Variants in ADAMTS3 observed in about 807,000 individuals in gnomAD.
ADAMTS3 encodes the protein A disintegrin and metalloproteinase with thrombospondin motifs 3.
A neutral mutation model predicts 129.0 loss-of-function variants in ADAMTS3; 73 were observed. That is an observed-to-expected ratio of 0.57 (90% CI 0.47 to 0.69). ADAMTS3 has a LOEUF of 0.69. Among genes scored for constraint, ADAMTS3 ranks in the 30% least tolerant of loss-of-function variants. ADAMTS3 has a pLI of 0.00. For missense variants in ADAMTS3, 1,457 were observed against 1,514.5 expected (o/e 0.96, Z 0.63); for synonymous variants, 477 against 510.8 (o/e 0.93, Z 0.89).
chr4:72,291,864 C>A (rs1009832377), intron 19 of ADAMTS3, among the ~76,000 whole-genome samples: 3 of 152,184 alleles, frequency 2.0e-5, no homozygotes, highest in Admixed American at 6.5e-5. Flanking sequence ...TACAGTCCCA[C>A]CAACGGTGTA....
chr4:72,395,203 G>A (rs1721696789), intron 4 of ADAMTS3, among the ~76,000 whole-genome samples: 1 of 152,152 alleles, frequency 6.6e-6, no homozygotes, highest in Non-Finnish European at 1.5e-5. Context: ...GAGATTACAG[G>A]TGGGAGCCCA....
At chr4:72,512,648 A>G (rs116085543) in intron 3 of ADAMTS3, among the ~76,000 whole-genome samples, 2,369 of 152,318 alleles carry the variant, frequency 0.016, 64 homozygotes, top group African/African-American at 0.054. Flanking sequence ...GAAGGGATGG[A>G]GAACCCATTT....
At chr4:72,356,738 A>G (rs887630514) in intron 4 of ADAMTS3, among the ~76,000 whole-genome samples, 1 of 151,812 alleles carries the variant, frequency 6.6e-6, no homozygotes, top group Admixed American at 6.6e-5. Flanking sequence ...TGCATTTTTT[A>G]TATTAGCATC....
chr4:72,549,990 AAGAGGAAGAGG>A lies in ADAMTS3; in HGVS notation c.98-1117_98-1107del, dbSNP rs1560563875. 3.2e-3 allele frequency among the ~76,000 whole-genome samples: 37 copies of A among 11,404 alleles called. 7 individuals are homozygous for A. Among genetic ancestry groups the A allele is most frequent in the African/African-American group, 9.6e-3 (19 of 1,986 alleles). 7.5% of individuals were successfully genotyped at this position (11,404 alleles called of 152,430 possible). The stretch of plus-strand genomic sequence containing the variant: ...GAAGAAGAAGAAGAAGAAGAAGAAG[AAGAGGAAGAGG>A]AAGAAGAAGAAGAAGAAGAAGAAGA... On this transcript the variant is annotated intron_variant, in intron 2 of 21. Transcript: ENST00000286657.
intron 4 of ADAMTS3, among the ~76,000 whole-genome samples, chr4:72,370,564 A>G (rs947526280): frequency 1.3e-5 from 2 of 152,096 alleles, no homozygotes; most frequent in Admixed American, 6.5e-5. Flanking sequence ...CTGGGCCAAC[A>G]TGGCGAAATC....
intron 3 of ADAMTS3, among the ~76,000 whole-genome samples, chr4:72,509,820 C>T (rs983162321): frequency 6.8e-6 from 1 of 146,598 alleles, no homozygotes. Context: ...AAAAAAAAAA[C>T]TACAGGTGAG....
At chr4:72,340,115 T>C (rs962906087) in intron 4 of ADAMTS3, among the ~76,000 whole-genome samples, 58 of 152,162 alleles carry the variant, frequency 3.8e-4, no homozygotes, top group African/African-American at 1.4e-3. Context: ...CCATGGAGTA[T>C]AGAATTTGTG....
intron 4 of ADAMTS3, among the ~76,000 whole-genome samples, chr4:72,402,807 C>T (rs1721958393): frequency 6.6e-6 from 1 of 152,110 alleles, no homozygotes; most frequent in African/African-American, 2.4e-5. Flanking sequence ...GACTGTCTTC[C>T]TTTGGCTATA....
At chr4:72,542,636 T>C (rs985718853) in intron 3 of ADAMTS3, among the ~76,000 whole-genome samples, 4 of 152,218 alleles carry the variant, frequency 2.6e-5, no homozygotes, top group Non-Finnish European at 5.9e-5. Context: ...TGACTACATG[T>C]ATAAATAAAT....
At chr4:72,345,513 T>C (rs1720257199) in intron 4 of ADAMTS3, among the ~76,000 whole-genome samples, 1 of 152,130 alleles carries the variant, frequency 6.6e-6, no homozygotes, top group Non-Finnish European at 1.5e-5. Context: ...ATATAAAATG[T>C]TTCCGTGAAA....
chr4:72,435,459 A>G (rs2109953115), intron 3 of ADAMTS3, among the ~76,000 whole-genome samples: 1 of 151,992 alleles, frequency 6.6e-6, no homozygotes, highest in South Asian at 2.1e-4. Context: ...CTGAACATGT[A>G]TTTTTTTAAA....
chr4:72,333,333 G>A (rs925570197), intron 5 of ADAMTS3, among the ~76,000 whole-genome samples: 1 of 151,686 alleles, frequency 6.6e-6, no homozygotes, highest in Non-Finnish European at 1.5e-5. Context: ...TACATAAATG[G>A]TACCATTAAC....
intron 4 of ADAMTS3, among the ~76,000 whole-genome samples, chr4:72,343,166 C>G (rs1223233159): frequency 6.6e-6 from 1 of 152,068 alleles, no homozygotes; most frequent in African/African-American, 2.4e-5. Context: ...CCATCCCACC[C>G]TAATCTTATT....
At chr4:72,453,925 C>A (rs1401455163) in intron 3 of ADAMTS3, among the ~76,000 whole-genome samples, 1 of 149,244 alleles carries the variant, frequency 6.7e-6, no homozygotes, top group Non-Finnish European at 1.5e-5. Flanking sequence ...TATATGTATA[C>A]ATAGGGAGAA....
Position 72,283,119 on chromosome 4 carries a change from C to G in ADAMTS3, c.*17G>C, listed in dbSNP as rs776252939. ...TCCAGGTTTTCCTCTGGTTTCTAGC[C>G]TTTTTGGTTCACTTTCTCATCTTTC... On this transcript the variant is annotated 3_prime_UTR_variant, in exon 22 of 22. Coordinates refer to ENST00000286657, the MANE Select transcript of ADAMTS3 (RefSeq NM_014243.3). 1 of 1,577,390 alleles carries G rather than the reference C, an allele frequency of 6.3e-7. No individual in the cohort carries two copies. The highest frequency in any genetic ancestry group is 8.6e-7 in the Non-Finnish European group (1 of 1,161,716).
intron 15 of ADAMTS3, among the ~76,000 whole-genome samples, chr4:72,306,402 T>C (rs16847825): frequency 1.8e-3 from 271 of 152,124 alleles, no homozygotes; most frequent in African/African-American, 6.1e-3. Context: ...ATTCTAGTTT[T>C]CTAAACCATC....
intron 3 of ADAMTS3, among the ~76,000 whole-genome samples, chr4:72,497,574 A>G (rs1719901336): frequency 6.6e-6 from 1 of 151,572 alleles, no homozygotes; most frequent in African/African-American, 2.4e-5. Flanking sequence ...ACCCAGAAGA[A>G]TATCATAAAA....
intron 3 of ADAMTS3, among the ~76,000 whole-genome samples, chr4:72,543,880 T>G (rs894860977): frequency 1.3e-5 from 2 of 152,164 alleles, no homozygotes; most frequent in African/African-American, 4.8e-5. Context: ...TTATGTTATG[T>G]GTATTTTATC....
At chr4:72,568,626 G>A in intron 1 of ADAMTS3, 68 bp downstream of exon 1, 1 of 1,214,950 alleles carries the variant, frequency 8.2e-7, no homozygotes. Context: ...GGAGGGTAGA[G>A]AGGGGAGGAA....
Sources: gnomAD v4.1 joint callset for allele counts (sites outside exome capture counted in the v4.1 genomes callset) on GRCh38, gnomAD v4.1.1 for gene constraint, MANE v1.5 for transcripts, NCBI Gene and HGNC (gene_info 2026-07-23, HGNC 2026-07-21) for gene names.